The following DLG5 variants were observed in gnomAD, a reference collection of about 807,000 sequenced individuals.
DLG5 encodes the protein discs large MAGUK scaffold protein 5.
A neutral mutation model predicts 189.8 loss-of-function variants in DLG5; 48 were observed. The observed-to-expected ratio is 0.25, with a 90% confidence interval of 0.20 to 0.32. The LOEUF (loss-of-function observed/expected upper bound fraction) is 0.32. Ranked by LOEUF, DLG5 falls within the 10% of genes least tolerant of loss-of-function variation. DLG5 has a pLI of 1.00. For missense variants in DLG5, 2,160 were observed against 2,544.7 expected (o/e 0.85, Z 3.25); for synonymous variants, 1,016 against 1,054.1 (o/e 0.96, Z 0.70).
intron 1 of DLG5, among the ~76,000 whole-genome samples, chr10:77,913,789 G>T (rs1037793199): frequency 3.7e-4 from 56 of 151,878 alleles, no homozygotes; most frequent in African/African-American, 1.3e-3. Flanking sequence ...GGGTTTTGCC[G>T]TGTTGCCCAG....
chr10:77,935,493 G>A, the DLG5 span, among the ~76,000 whole-genome samples: 4 of 151,970 alleles, frequency 2.6e-5, no homozygotes, highest in Non-Finnish European at 5.9e-5. Flanking sequence ...GGCTAAGTGA[G>A]CAGAGGCCCC....
Position 77,811,222 on chromosome 10 carries a change from G to A in DLG5, c.4335C>T (p.Asp1445=). ...GGAGAGTGGAGTGGGTACCGGCAGGGTCCAGGTGTGAGCTGGAGGCGGAGG... is the reference window on the plus strand; with the variant it reads ...GGAGAGTGGAGTGGGTACCGGCAGGATCCAGGTGTGAGCTGGAGGCGGAGG... ...SSHSRSSSHL[D]PAGTHSTLQG... Residue 1445 remains aspartate (D), a synonymous_variant, in exon 23 of 32, where the codon GAC becomes GAT. Transcript: ENST00000372391. The A allele has an allele frequency of 2.5e-6, 4 of 1,613,074 alleles. No individual in the cohort carries two copies. The highest frequency in any genetic ancestry group is 1.3e-5 in the African/African-American group (1 of 74,880).
rs79365179 is a variant in DLG5 at position 77,791,201 on chromosome 10, T to A, written c.*1239A>T. ...AAGATTTCTCGCTAGTAAAATGAAA[T>A]GTTAGGAACAGTATTAAAATATAGG... On this transcript the variant is annotated 3_prime_UTR_variant, in exon 32 of 32. Transcript: ENST00000372391. 0.011 allele frequency: 1,646 copies of A among 152,688 alleles called. 12 individuals are homozygous for A. Among genetic ancestry groups the A allele is most frequent in the Non-Finnish European group, 0.017 (1,162 of 68,012 alleles). 9.5% of individuals were successfully genotyped at this position (152,688 alleles called of 1,614,324 possible).
intron 17 of DLG5, among the ~76,000 whole-genome samples, chr10:77,818,425 T>C (rs778007934): frequency 2.0e-5 from 3 of 152,232 alleles, no homozygotes; most frequent in Non-Finnish European, 2.9e-5. Context: ...AACTCTACAG[T>C]GGTCTCCACT....
intron 1 of DLG5, among the ~76,000 whole-genome samples, chr10:77,874,624 C>A (rs959729428): frequency 4.6e-5 from 7 of 152,188 alleles, no homozygotes; most frequent in African/African-American, 1.7e-4. Context: ...CACATCTAGA[C>A]TTGGGTCCTA....
intron 31 of DLG5, 119 bp downstream of exon 31, chr10:77,793,889 G>C: frequency 1.2e-6 from 1 of 849,556 alleles, no homozygotes; most frequent in Non-Finnish European, 1.9e-6. Flanking sequence ...ACGTGCTCAT[G>C]ACAGCACTTG....
chr10:77,842,774 T>C (rs1215345382), intron 6 of DLG5, among the ~76,000 whole-genome samples: 2 of 152,238 alleles, frequency 1.3e-5, no homozygotes, highest in Non-Finnish European at 2.9e-5. Context: ...ATCTGATGAC[T>C]TATGTTTGGG....
At chr10:77,805,951 G>T (rs1841449008) in intron 26 of DLG5, 90 bp from the exon 27 acceptor site, 1 of 1,285,220 alleles carries the variant, frequency 7.8e-7, no homozygotes. Context: ...GCAAAGGTGG[G>T]CCAGACACTG....
the DLG5 span, among the ~76,000 whole-genome samples, chr10:77,938,233 C>T: frequency 6.6e-6 from 1 of 151,980 alleles, no homozygotes; most frequent in Non-Finnish European, 1.5e-5. Context: ...CACTTGATCC[C>T]AGGAGTTTGA....
intron 2 of DLG5, among the ~76,000 whole-genome samples, chr10:77,858,499 G>A (rs900533239): frequency 5.9e-5 from 9 of 152,012 alleles, no homozygotes; most frequent in African/African-American, 2.2e-4. Context: ...TTAGCTGGGT[G>A]TGGTGGCACG....
chr10:77,938,288 A>G, the DLG5 span, among the ~76,000 whole-genome samples: 2 of 152,082 alleles, frequency 1.3e-5, no homozygotes, highest in Non-Finnish European at 2.9e-5. Context: ...TACAAAAAGT[A>G]AAATGAAATT....
At chr10:77,939,929 A>G in the DLG5 span, among the ~76,000 whole-genome samples, 1 of 152,256 alleles carries the variant, frequency 6.6e-6, no homozygotes, top group Non-Finnish European at 1.5e-5. Context: ...TGGCCAGACT[A>G]TATTTAAAAA....
At chr10:77,834,944 T>C (rs1476199237) in intron 8 of DLG5, among the ~76,000 whole-genome samples, 2 of 151,930 alleles carry the variant, frequency 1.3e-5, no homozygotes, top group African/African-American at 4.8e-5. Context: ...CCACAAGAAA[T>C]CTTTTGGACA....
chr10:77,829,137 C>T (rs755005316), intron 12 of DLG5, 152 bp from the exon 13 acceptor site: 37 of 1,032,424 alleles, frequency 3.6e-5, no homozygotes, highest in Non-Finnish European at 4.9e-5. Context: ...TCCCACCAAT[C>T]GGGGGCTCAG....
chr10:77,851,574 G>A (rs915112081), intron 5 of DLG5, among the ~76,000 whole-genome samples: 1 of 152,104 alleles, frequency 6.6e-6, no homozygotes, highest in Admixed American at 6.5e-5. Context: ...ACCAACTTTT[G>A]CCCCAGCCAC....
rs79405418 is a variant in DLG5, at chr10:77,893,915, C to T, written c.305-24718G>A. ...CTCCACTCCCTACTGTCTCCCTACCCGGCGCGTGGCCCGCATGGGGCCTTC... is the reference window on the plus strand; with the variant it reads ...CTCCACTCCCTACTGTCTCCCTACCTGGCGCGTGGCCCGCATGGGGCCTTC... On this transcript the variant is annotated intron_variant, in intron 1 of 31. Coordinates refer to ENST00000372391, the MANE Select transcript of DLG5 (RefSeq NM_004747.4). Among the ~76,000 whole-genome samples, 620 of 152,306 alleles carry T rather than the reference C, an allele frequency of 4.1e-3. 4 individuals are homozygous for T. Among genetic ancestry groups the T allele is most frequent in the African/African-American group, 0.014 (580 of 41,572 alleles).
rs191424550 is a variant in DLG5, at chr10:77,878,795, G to C, written c.305-9598C>G. The stretch of plus-strand genomic sequence containing the variant: ...TCTCTGGTTCACAAAGAAAAAACCA[G>C]AGCGCTCACAGTGTGCCTGGAATCA... On this transcript the variant is annotated intron_variant, in intron 1 of 31. Transcript: ENST00000372391. Among the ~76,000 whole-genome samples, 362 of 152,236 alleles carry C rather than the reference G, an allele frequency of 2.4e-3. 2 individuals carry two copies. The South Asian group carries it at 0.024, about 10-fold the overall frequency.
Position 77,856,902 on chromosome 10 carries a change from G to A in DLG5, c.374-10C>T. Reference sequence around the variant, plus strand: ...GCCTTCCCGGTAGTGCCTGTGGAAGGGGAATAATAAAGTGAACTTGTGTTC... The same window carrying A: ...GCCTTCCCGGTAGTGCCTGTGGAAGAGGAATAATAAAGTGAACTTGTGTTC... On this transcript the variant is annotated splice_polypyrimidine_tract_variant and intron_variant, in intron 2 of 31. Coordinates refer to ENST00000372391, the MANE Select transcript of DLG5 (RefSeq NM_004747.4). The A allele has an allele frequency of 6.2e-7, 1 of 1,607,754 alleles. No homozygotes were observed. Among genetic ancestry groups the A allele is most frequent in the Non-Finnish European group, 8.5e-7 (1 of 1,177,284 alleles).
At chr10:77,936,903 C>G in the DLG5 span, among the ~76,000 whole-genome samples, 1 of 152,084 alleles carries the variant, frequency 6.6e-6, no homozygotes, top group African/African-American at 2.4e-5. Context: ...TGGAAAGGAT[C>G]TGACACTGTG....
Sources: gnomAD v4.1 joint callset for allele counts (sites outside exome capture counted in the v4.1 genomes callset) on GRCh38, gnomAD v4.1.1 for gene constraint, MANE v1.5 for transcripts, NCBI Gene and HGNC (gene_info 2026-07-23, HGNC 2026-07-21) for gene names.